IL1RAPL1: variants seen among roughly 807,000 people sequenced by gnomAD.
IL1RAPL1 encodes the protein interleukin-1 receptor accessory protein-like 1.
Under a neutral mutation model 48.4 loss-of-function variants are expected in IL1RAPL1, and 3 were observed. That is an observed-to-expected ratio of 0.06 (90% CI 0.03 to 0.16). The LOEUF (loss-of-function observed/expected upper bound fraction) is 0.16. Ranked by LOEUF, IL1RAPL1 falls within the 10% of genes least tolerant of loss-of-function variation. The pLI is 1.00. For missense variants in IL1RAPL1, 349 were observed against 530.6 expected (o/e 0.66, Z 3.36); for synonymous variants, 185 against 187.7 (o/e 0.99, Z 0.12).
At chrX:28,870,110 A>T (rs985293006) in intron 2 of IL1RAPL1, among the ~76,000 whole-genome samples, 10 of 111,522 alleles carry the variant, frequency 9.0e-5, no homozygotes, top group Non-Finnish European at 1.7e-4. Flanking sequence ...ATTATGCCAT[A>T]TTATGGATAT....
At chrX:29,905,892 C>CA (rs1398001316) in intron 6 of IL1RAPL1, among the ~76,000 whole-genome samples, 1 of 111,206 alleles carries the variant, frequency 9.0e-6, no homozygotes, top group African/African-American at 3.3e-5. Flanking sequence ...AAGGAAATAT[C>CA]AAAGCAGCAG....
intron 2 of IL1RAPL1, among the ~76,000 whole-genome samples, chrX:29,174,381 A>G (rs1376826659): frequency 8.9e-6 from 1 of 112,388 alleles, no homozygotes; most frequent in Non-Finnish European, 1.9e-5. Context: ...GTAACCCATC[A>G]CTTGTGCCGT....
rs987634657 is a variant in IL1RAPL1, at chrX:29,543,108, T to C, written c.704-125322T>C. 3.4e-5 allele frequency among the ~76,000 whole-genome samples: 3 copies of C among 89,222 alleles called. No individual in the cohort carries two copies. The Admixed American group carries it at 3.6e-4, about 11-fold the overall frequency. The allele number at this position is 89,222 out of a possible 115,157, so 77.5% of individuals were successfully genotyped here. ...ACCTTTTTGTTTGACCATAGCAATC[T>C]GTTCGTTTCTCTCTCTCTCTCTCTC... is the stretch of plus-strand genomic sequence containing the variant. On this transcript the variant is annotated intron_variant, in intron 5 of 10. Coordinates refer to ENST00000378993, the MANE Select transcript of IL1RAPL1 (RefSeq NM_014271.4).
chrX:29,155,924 A>C, intron 2 of IL1RAPL1, among the ~76,000 whole-genome samples: 1 of 111,104 alleles, frequency 9.0e-6, no homozygotes, highest in East Asian at 2.8e-4. Context: ...TTTATCAATA[A>C]TTAAAAATAA....
chrX:28,951,860 A>T (rs923122140), intron 2 of IL1RAPL1, among the ~76,000 whole-genome samples: 2 of 111,797 alleles, frequency 1.8e-5, no homozygotes, highest in African/African-American at 6.5e-5. Flanking sequence ...GAAGTGTATC[A>T]ATTACTACAG....
intron 1 of IL1RAPL1, among the ~76,000 whole-genome samples, chrX:28,596,490 G>A (rs1933957228): frequency 9.1e-6 from 1 of 110,287 alleles, no homozygotes; most frequent in Non-Finnish European, 1.9e-5. Flanking sequence ...GATGACTGAT[G>A]TCATGTGTCT....
rs184766995 is a variant in IL1RAPL1, at chrX:28,792,946, A to G, written c.82+3521A>G. Among the ~76,000 whole-genome samples the G allele has an allele frequency of 4.7e-3, 474 of 100,560 alleles. 2 individuals carry two copies. The highest frequency in any genetic ancestry group is 0.016 in the African/African-American group (449 of 27,588). The allele number at this position is 100,560 out of a possible 115,157, so 87.3% of individuals were successfully genotyped here. A position where few individuals can be genotyped will look rare whatever the true frequency, so the allele number is the denominator to read the frequency against. ...GTTTTAAATATCACTTCAGATATGT[A>G]CAATATGTATGACAACTAAGGACTA... On this transcript the variant is annotated intron_variant, in intron 2 of 10. Coordinates refer to ENST00000378993, the MANE Select transcript of IL1RAPL1 (RefSeq NM_014271.4).
At chrX:29,716,499 G>C (rs1288919370) in intron 6 of IL1RAPL1, among the ~76,000 whole-genome samples, 1 of 111,614 alleles carries the variant, frequency 9.0e-6, no homozygotes, top group African/African-American at 3.3e-5. Context: ...CCAAACCTGA[G>C]ATTTCCTGAA....
chrX:29,401,923 C>T (rs913910693), intron 5 of IL1RAPL1, among the ~76,000 whole-genome samples: 1 of 109,685 alleles, frequency 9.1e-6, no homozygotes, highest in African/African-American at 3.3e-5. Context: ...GAAACAGTTT[C>T]TCTCTTGTTG....
intron 2 of IL1RAPL1, among the ~76,000 whole-genome samples, chrX:29,256,284 C>G (rs1386268851): frequency 9.0e-6 from 1 of 111,074 alleles, no homozygotes; most frequent in African/African-American, 3.3e-5. Flanking sequence ...TTTTTCCCTT[C>G]CCTTTTTCAC....
intron 2 of IL1RAPL1, among the ~76,000 whole-genome samples, chrX:29,250,411 A>T (rs1931584831): frequency 9.0e-6 from 1 of 111,327 alleles, no homozygotes; most frequent in African/African-American, 3.3e-5. Context: ...AAAGCATTAA[A>T]CCATGAAACT....
chrX:29,783,919 C>G (rs1397404588), intron 6 of IL1RAPL1, among the ~76,000 whole-genome samples: 1 of 111,979 alleles, frequency 8.9e-6, no homozygotes, highest in Non-Finnish European at 1.9e-5. Flanking sequence ...CTTTGTTATT[C>G]TAAAGAATCA....
At chrX:28,610,940 G>A (rs190950626) in intron 1 of IL1RAPL1, among the ~76,000 whole-genome samples, 90 of 111,274 alleles carry the variant, frequency 8.1e-4, no homozygotes, top group Non-Finnish European at 1.1e-3. Context: ...GCTAATGCGC[G>A]TACCCTCTAC....
At chrX:29,202,676 C>T (rs1434993248) in intron 2 of IL1RAPL1, among the ~76,000 whole-genome samples, 1 of 111,808 alleles carries the variant, frequency 8.9e-6, no homozygotes, top group African/African-American at 3.2e-5. Context: ...TATTATGCTG[C>T]CATAAAAAAG....
chrX:29,700,584 A>G (rs1285923273), intron 6 of IL1RAPL1, among the ~76,000 whole-genome samples: 2 of 112,218 alleles, frequency 1.8e-5, no homozygotes, highest in Non-Finnish European at 3.8e-5. Flanking sequence ...GAAGTTTTTC[A>G]TAGGTATTGT....
At chrX:28,789,503 T>C (rs1234024362) in intron 2 of IL1RAPL1, 78 bp downstream of exon 2, 23 of 726,258 alleles carry the variant, frequency 3.2e-5, no homozygotes, top group Non-Finnish European at 6.5e-6. Context: ...GTGCCATTAG[T>C]GGAAAAGTTG....
chrX:29,314,313 T>C (rs1932759860), intron 3 of IL1RAPL1, among the ~76,000 whole-genome samples: 1 of 111,891 alleles, frequency 8.9e-6, no homozygotes, highest in Non-Finnish European at 1.9e-5. Context: ...ATCCAAGATA[T>C]AATAGACAAG....
At chrX:29,209,135 G>C (rs888697407) in intron 2 of IL1RAPL1, among the ~76,000 whole-genome samples, 10 of 111,889 alleles carry the variant, frequency 8.9e-5, no homozygotes, top group Admixed American at 1.9e-4. Context: ...GATATAAGGT[G>C]CAGTGGGTCA....
At chrX:29,376,470 C>G (rs61099232) in intron 3 of IL1RAPL1, among the ~76,000 whole-genome samples, 1,700 of 109,603 alleles carry the variant, frequency 0.016, 39 homozygotes, top group African/African-American at 0.054. Context: ...TCCCCAGGCT[C>G]AGGTGATCCT....
Sources: allele counts gnomAD v4.1 joint callset (sites outside exome capture counted in the v4.1 genomes callset), GRCh38; gene constraint gnomAD v4.1.1; transcripts MANE v1.5; gene names NCBI Gene and HGNC (gene_info 2026-07-23, HGNC 2026-07-21).